Variants in PHKA1 observed in about 807,000 individuals in gnomAD.
The protein encoded by PHKA1 is phosphorylase kinase regulatory subunit alpha 1, also known as phosphorylase b kinase regulatory subunit alpha, skeletal muscle isoform.
In PHKA1, 60 loss-of-function variants were observed where a neutral mutation model predicts 110.2. The ratio of observed to expected loss-of-function variants is 0.54; its 90% CI spans 0.44 to 0.68. PHKA1 has a LOEUF of 0.68. Ranked by LOEUF, PHKA1 falls within the 30% of genes least tolerant of loss-of-function variation. The pLI is 0.00. For missense variants in PHKA1, 801 were observed against 942.5 expected (o/e 0.85, Z 1.97); for synonymous variants, 316 against 333.6 (o/e 0.95, Z 0.58).
intron 4 of PHKA1, among the ~76,000 whole-genome samples, chrX:72,692,141 C>A (rs2054046815): frequency 8.9e-6 from 1 of 112,114 alleles, no homozygotes; most frequent in South Asian, 3.7e-4. Flanking sequence ...ATTCCACTGA[C>A]ATGATGTATT....
chrX:72,585,936 G>C (rs1352681238), intron 29 of PHKA1, among the ~76,000 whole-genome samples: 2 of 112,284 alleles, frequency 1.8e-5, no homozygotes, highest in African/African-American at 3.2e-5. Context: ...GAACTGGGTA[G>C]AGCCCACCTC....
chrX:72,588,760 C>T (rs2052472957), intron 29 of PHKA1, among the ~76,000 whole-genome samples: 1 of 111,488 alleles, frequency 9.0e-6, no homozygotes, highest in Non-Finnish European at 1.9e-5. Flanking sequence ...CCACCAATCC[C>T]ACAGAAATAC....
chrX:72,599,907 G>A, intron 28 of PHKA1: 1 of 515,529 alleles, frequency 1.9e-6, no homozygotes, highest in Non-Finnish European at 3.5e-6. Context: ...TAAAAGATAT[G>A]AGGCCAGGAA....
At position 72,653,572 on chromosome X, in the gene PHKA1, G is replaced by C. The variant is rs181343673; in HGVS notation, c.1042-42C>G. 6.9e-5 allele frequency: 62 copies of C among 901,269 alleles called. 1 individual carries two copies. The African/African-American group carries it at 1.1e-3, about 16-fold the overall frequency. 74.3% of individuals were successfully genotyped at this position (901,269 alleles called of 1,213,427 possible). A position where few individuals can be genotyped will look rare whatever the true frequency, so the allele number is the denominator to read the frequency against. On this transcript the variant is annotated intron_variant, in intron 10 of 31. Coordinates refer to ENST00000373542, the MANE Select transcript of PHKA1 (RefSeq NM_002637.4). ...GGCAGGAAAAAAAGACTTACAGAGA[G>C]TCCCTTTGGGGACCCAGGAGAAGGT... is the stretch of plus-strand genomic sequence containing the variant.
rs182703792 is a variant in PHKA1 at position 72,646,612 on chromosome X, G to A, written c.1325-2116C>T. Among the ~76,000 whole-genome samples the A allele has an allele frequency of 7.4e-4, 82 of 111,549 alleles. 1 individual carries two copies. The highest frequency in any genetic ancestry group is 2.3e-3 in the African/African-American group (70 of 30,673). The stretch of plus-strand genomic sequence containing the variant: ...AATTATAAAAAGCCCTTTATAACAG[G>A]AACATGTAGCATAAAGGGGCAGTGA... On this transcript the variant is annotated intron_variant, in intron 13 of 31. Coordinates refer to ENST00000373542, the MANE Select transcript of PHKA1 (RefSeq NM_002637.4).
intron 29 of PHKA1, among the ~76,000 whole-genome samples, chrX:72,586,051 C>T (rs1380032243): frequency 8.9e-6 from 1 of 112,487 alleles, no homozygotes; most frequent in Non-Finnish European, 1.9e-5. Context: ...CCCTGTCTGA[C>T]AGCTCTCAAG....
At chrX:72,676,190 C>G (rs1556311736) in intron 5 of PHKA1, 40 bp from the exon 6 acceptor site, 2 of 995,438 alleles carry the variant, frequency 2.0e-6, no homozygotes, top group Non-Finnish European at 1.4e-6. Flanking sequence ...CAAGTCATAA[C>G]TACTAAATAC....
chrX:72,710,192 C>A (rs1482520724), intron 2 of PHKA1, among the ~76,000 whole-genome samples: 2 of 111,555 alleles, frequency 1.8e-5, no homozygotes, highest in African/African-American at 6.5e-5. Flanking sequence ...ATACAGGGGA[C>A]CCCTGAACAA....
intron 8 of PHKA1, among the ~76,000 whole-genome samples, chrX:72,659,896 C>T (rs55643051): frequency 0.035 from 3,917 of 112,171 alleles, 73 homozygotes; most frequent in Non-Finnish European, 0.055. Context: ...TGTAAATACA[C>T]CATGGTTGTG....
At chrX:72,709,742 T>G (rs782147231) in intron 2 of PHKA1, among the ~76,000 whole-genome samples, 19 of 110,857 alleles carry the variant, frequency 1.7e-4, no homozygotes, top group Non-Finnish European at 2.3e-4. Context: ...ACTAAGGGTA[T>G]TTCTTAAAAG....
At chrX:72,581,849 T>A (rs1556202649) in intron 31 of PHKA1, among the ~76,000 whole-genome samples, 1 of 112,355 alleles carries the variant, frequency 8.9e-6, no homozygotes, top group Non-Finnish European at 1.9e-5. Context: ...CTACTGTTAA[T>A]ACGGGCAACA....
intron 23 of PHKA1, among the ~76,000 whole-genome samples, chrX:72,608,329 T>TTCCTC: frequency 9.0e-6 from 1 of 111,360 alleles, no homozygotes; most frequent in South Asian, 3.8e-4. Flanking sequence ...TCTTTACTAT[T>TTCCTC]TCCTCTCCTC....
intron 21 of PHKA1, among the ~76,000 whole-genome samples, chrX:72,617,630 G>A (rs1556271244): frequency 9.0e-6 from 1 of 111,133 alleles, no homozygotes; most frequent in Non-Finnish European, 1.9e-5. Flanking sequence ...TAGAAGAAAC[G>A]GATAAATTTG....
intron 3 of PHKA1, among the ~76,000 whole-genome samples, chrX:72,696,635 T>C (rs2054120768): frequency 8.9e-6 from 1 of 111,951 alleles, no homozygotes; most frequent in Admixed American, 9.4e-5. Context: ...ATATATTGAT[T>C]GATGTCTCAT....
At chrX:72,645,508 G>C (rs1383458674) in intron 13 of PHKA1, among the ~76,000 whole-genome samples, 1 of 112,041 alleles carries the variant, frequency 8.9e-6, no homozygotes, top group African/African-American at 3.2e-5. Flanking sequence ...AGGATATGTT[G>C]ATCACAGAGT....
At chrX:72,703,808 C>A (rs1397733921) in intron 3 of PHKA1, among the ~76,000 whole-genome samples, 2 of 112,522 alleles carry the variant, frequency 1.8e-5, no homozygotes, top group Non-Finnish European at 3.7e-5. Flanking sequence ...CTATAGACTT[C>A]TGTGCCTGTA....
chrX:72,581,571 C>A (rs1329399043), intron 31 of PHKA1, among the ~76,000 whole-genome samples: 3 of 111,445 alleles, frequency 2.7e-5, no homozygotes, highest in African/African-American at 9.8e-5. Flanking sequence ...ATTCTTTTAT[C>A]CTGCATTTGA....
intron 3 of PHKA1, among the ~76,000 whole-genome samples, chrX:72,701,672 T>A (rs1258209913): frequency 3.6e-5 from 4 of 111,683 alleles, no homozygotes; most frequent in Non-Finnish European, 5.7e-5. Context: ...TGAGCTGAGA[T>A]CGTGCCACTG....
chrX:72,626,394 A>T (rs1556282904), intron 17 of PHKA1, among the ~76,000 whole-genome samples: 1 of 111,214 alleles, frequency 9.0e-6, no homozygotes, highest in Admixed American at 9.6e-5. Context: ...AGGCATTAAA[A>T]AAACAAAACA....
Sources: allele counts gnomAD v4.1 joint callset (sites outside exome capture counted in the v4.1 genomes callset), GRCh38; gene constraint gnomAD v4.1.1; transcripts MANE v1.5; gene names NCBI Gene and HGNC (gene_info 2026-07-23, HGNC 2026-07-21).